ZMYM4: variants seen among roughly 807,000 people sequenced by gnomAD.
The protein encoded by ZMYM4 is zinc finger MYM-type containing 4.
A neutral mutation model predicts 183.2 loss-of-function variants in ZMYM4; 31 were observed. The observed-to-expected ratio is 0.17, with a 90% CI of 0.13 to 0.23. The LOEUF (loss-of-function observed/expected upper bound fraction) is 0.23. Ranked by LOEUF, ZMYM4 falls within the 10% of genes least tolerant of loss-of-function variation. The pLI is 1.00. For missense variants in ZMYM4, 1,273 were observed against 1,840.3 expected, an observed-to-expected ratio of 0.69 and a Z score of 5.64; for synonymous variants, 592 against 631.2, an observed-to-expected ratio of 0.94 and a Z score of 0.93.
chr1:35,268,879 G>C lies in ZMYM4; in HGVS notation c.-168G>C. 1.5e-6 allele frequency: 1 copy of C among 664,558 alleles called. No individual in the cohort carries two copies. Among genetic ancestry groups the C allele is most frequent in the Non-Finnish European group, 2.1e-6 (1 of 468,728 alleles). 41.2% of individuals were successfully genotyped at this position (664,558 alleles called of 1,614,324 possible). A position where few individuals can be genotyped will look rare whatever the true frequency, so the allele number is the denominator to read the frequency against. ...GACCCGTGGGATCTCAGAAGCTGCG[G>C]CCCGGCGCGCGGCATCCGCCCCCTC... On this transcript the variant is annotated 5_prime_UTR_variant, in exon 1 of 30. Coordinates refer to ENST00000314607, the MANE Select transcript of ZMYM4 (RefSeq NM_005095.3).
chr1:35,342,218 G>A (rs1230350821), intron 2 of ZMYM4, among the ~76,000 whole-genome samples: 4 of 151,926 alleles, frequency 2.6e-5, no homozygotes, highest in African/African-American at 4.8e-5. Flanking sequence ...GCAGTGGCGC[G>A]ACCTCAGCTC....
At chr1:35,345,544 T>A (rs1643361642) in intron 2 of ZMYM4, among the ~76,000 whole-genome samples, 1 of 151,916 alleles carries the variant, frequency 6.6e-6, no homozygotes. Context: ...CATCTCCGTC[T>A]CCCGGGCTCA....
rs142484548 is a variant in ZMYM4, at chr1:35,419,520, G to A, written c.4490G>A (p.Arg1497His). 136 of 1,613,442 alleles carry A rather than the reference G, an allele frequency of 8.4e-5. 1 individual carries two copies. The highest frequency in any genetic ancestry group is 8.3e-4 in the Middle Eastern group (5 of 6,060). Residue 1497 changes from arginine (R) to histidine (H), a missense_variant, in exon 30 of 30, where the codon CGC (arginine) becomes CAC (histidine). Physicochemically the swap from Arg to His is conservative, Grantham distance 29. Transcript: ENST00000314607. ...RNDVFYLQPE[R>H]SCVPNSPMWY... The stretch of plus-strand genomic sequence containing the variant: ...GATGTGTTTTACCTTCAACCTGAGC[G>A]CTCCTGTGTCCCGAATAGCCCCATG...
chr1:35,397,611 T>C, intron 20 of ZMYM4, 66 bp downstream of exon 20: 1 of 1,394,780 alleles, frequency 7.2e-7, no homozygotes, highest in Non-Finnish European at 9.6e-7. Context: ...GTGACTCAAG[T>C]AATTTTAAGT....
At chr1:35,280,607 C>T (rs1640109345) in intron 1 of ZMYM4, among the ~76,000 whole-genome samples, 1 of 152,224 alleles carries the variant, frequency 6.6e-6, no homozygotes, top group Non-Finnish European at 1.5e-5. Flanking sequence ...AGGATGTTGG[C>T]AAGGCCATGC....
intron 1 of ZMYM4, among the ~76,000 whole-genome samples, chr1:35,306,137 G>A (rs1223937041): frequency 6.6e-6 from 1 of 151,990 alleles, no homozygotes; most frequent in Non-Finnish European, 1.5e-5. Flanking sequence ...CCTTATTGTA[G>A]GTAGATTGCA....
intron 25 of ZMYM4, among the ~76,000 whole-genome samples, chr1:35,407,608 G>C (rs1645027622): frequency 6.6e-6 from 1 of 152,166 alleles, no homozygotes; most frequent in Admixed American, 6.5e-5. Flanking sequence ...CATAAGACTA[G>C]TATTTTGTGG....
chr1:35,367,898 C>T (rs551484860), intron 5 of ZMYM4, among the ~76,000 whole-genome samples: 4 of 152,034 alleles, frequency 2.6e-5, no homozygotes, highest in East Asian at 1.9e-4. Context: ...ATCACTTGAA[C>T]GCAGGAGGCA....
chr1:35,393,799 A>C lies in ZMYM4; in HGVS notation c.2911+60A>C. The C allele has an allele frequency of 2.7e-6, 4 of 1,485,868 alleles. No homozygotes were observed. The South Asian group carries it at 4.3e-5, about 16-fold the overall frequency. The allele number at this position is 1,485,868 out of a possible 1,614,324, so 92.0% of individuals were successfully genotyped here. ...TTTAAGGGAAAGAAATGTAGGATCT[A>C]CTTACATTGAGTACCTGCTATTTCC... On this transcript the variant is annotated intron_variant, in intron 18 of 29. Transcript: ENST00000314607.
chr1:35,352,253 GCGCGCA>G (rs1347801349), intron 2 of ZMYM4, among the ~76,000 whole-genome samples: 1 of 102,334 alleles, frequency 9.8e-6, no homozygotes, highest in African/African-American at 4.2e-5. Context: ...TTAAAAATTA[GCGCGCA>G]CGCGCGCGCG....
chr1:35,393,640 C>G lies in ZMYM4; in HGVS notation c.2812C>G (p.Pro938Ala). Residue 938 changes from proline (P) to alanine (A), a missense_variant, in exon 18 of 30, where the codon CCA (proline) becomes GCA (alanine). Transcript: ENST00000314607. The stretch of plus-strand genomic sequence containing the variant: ...CCTGAAACTGCCACCTTCCCAACCT[C>G]CAAGGCTTTTGAAGAACAAAGCTTT... ...DALKLPPSQP[P>A]RLLKNKALLC... The G allele has an allele frequency of 6.2e-7, 1 of 1,612,150 alleles. No individual in the cohort carries two copies.
chr1:35,334,941 G>A (rs563954923), intron 2 of ZMYM4, among the ~76,000 whole-genome samples: 155 of 152,142 alleles, frequency 1.0e-3, no homozygotes, highest in Non-Finnish European at 2.0e-3. Flanking sequence ...GGAATACTTC[G>A]AAAACTTTTT....
At chr1:35,413,057 A>G (rs376844221) in intron 26 of ZMYM4, among the ~76,000 whole-genome samples, 5 of 151,938 alleles carry the variant, frequency 3.3e-5, no homozygotes, top group Non-Finnish European at 5.9e-5. Flanking sequence ...AGTACTTTTT[A>G]AAAGAGACAG....
intron 2 of ZMYM4, among the ~76,000 whole-genome samples, chr1:35,326,364 T>TGA (rs144280908): frequency 0.013 from 2,048 of 152,082 alleles, 51 homozygotes; most frequent in African/African-American, 0.047. Flanking sequence ...AATCAGCGAG[T>TGA]GATGGTGCTT....
intron 23 of ZMYM4, among the ~76,000 whole-genome samples, chr1:35,402,957 G>A (rs891702979): frequency 5.3e-5 from 8 of 152,024 alleles, no homozygotes; most frequent in Non-Finnish European, 1.0e-4. Context: ...CTAACCTTAC[G>A]GTGAAAAAAG....
chr1:35,298,460 G>A (rs1641123168), intron 1 of ZMYM4, among the ~76,000 whole-genome samples: 1 of 152,096 alleles, frequency 6.6e-6, no homozygotes, highest in Non-Finnish European at 1.5e-5. Flanking sequence ...AAGAAGATAG[G>A]CTGGGACACT....
intron 26 of ZMYM4, 63 bp from the exon 27 acceptor site, chr1:35,413,909 A>G (rs1213175867): frequency 2.0e-6 from 2 of 1,001,998 alleles, no homozygotes; most frequent in African/African-American, 3.4e-5. Context: ...TCTTACAATA[A>G]TTTTTTAAGA....
chr1:35,291,455 A>G (rs772723364), intron 1 of ZMYM4, among the ~76,000 whole-genome samples: 1 of 151,726 alleles, frequency 6.6e-6, no homozygotes, highest in African/African-American at 2.4e-5. Flanking sequence ...TTTTTCTTTT[A>G]TGGATTATGC....
chr1:35,386,261 T>A, intron 11 of ZMYM4, 72 bp downstream of exon 11: 1 of 1,052,740 alleles, frequency 9.5e-7, no homozygotes. Context: ...CTTGCACTCC[T>A]CTAAAGAAAT....
Sources: gnomAD v4.1 joint callset for allele counts (sites outside exome capture counted in the v4.1 genomes callset) on GRCh38, gnomAD v4.1.1 for gene constraint, MANE v1.5 for transcripts, NCBI Gene and HGNC (gene_info 2026-07-23, HGNC 2026-07-21) for gene names.